CRISPLD2: variants seen among roughly 807,000 people sequenced by gnomAD.
CRISPLD2 encodes cysteine-rich secretory protein LCCL domain-containing 2.
A neutral mutation model predicts 71.1 loss-of-function variants in CRISPLD2; 47 were observed. That is an observed-to-expected ratio of 0.66 (90% CI 0.52 to 0.84). The LOEUF (loss-of-function observed/expected upper bound fraction) is 0.84, where lower values mean the gene tolerates loss of function less well. CRISPLD2 is among the 40% of genes least tolerant of loss of function. CRISPLD2 has a pLI of 0.00. For missense variants in CRISPLD2, 830 were observed against 651.1 expected (o/e 1.27, Z -2.99); for synonymous variants, 317 against 250.1 (o/e 1.27, Z -2.52).
intron 14 of CRISPLD2, among the ~76,000 whole-genome samples, chr16:84,898,732 C>T (rs935635387): frequency 2.0e-5 from 3 of 152,230 alleles, no homozygotes; most frequent in Non-Finnish European, 1.5e-5. Context: ...TGATGCTGCC[C>T]AGCACTTGGC....
intron 14 of CRISPLD2, among the ~76,000 whole-genome samples, chr16:84,894,183 T>C (rs1285318466): frequency 6.6e-6 from 1 of 152,120 alleles, no homozygotes; most frequent in Non-Finnish European, 1.5e-5. Context: ...ACCTGCTCTC[T>C]CACCCCTGCC....
At chr16:84,883,625 T>C (rs2071586978) in intron 13 of CRISPLD2, among the ~76,000 whole-genome samples, 1 of 152,190 alleles carries the variant, frequency 6.6e-6, no homozygotes, top group Non-Finnish European at 1.5e-5. Flanking sequence ...TCAGTGGGGC[T>C]GGGTGGATCC....
chr16:84,883,448 G>T (rs1477352707), intron 13 of CRISPLD2, among the ~76,000 whole-genome samples: 1 of 152,220 alleles, frequency 6.6e-6, no homozygotes, highest in Non-Finnish European at 1.5e-5. Flanking sequence ...TTTGCCAGTT[G>T]TGGGAAGCCA....
intron 5 of CRISPLD2, 39 bp from the exon 6 acceptor site, chr16:84,854,690 G>A (rs778571255): frequency 1.3e-5 from 19 of 1,505,158 alleles, no homozygotes; most frequent in Middle Eastern, 1.7e-4. Context: ...GCCTCACGTC[G>A]TGGTTCCCTC....
At chr16:84,880,463 G>A in intron 12 of CRISPLD2, 46 bp from the exon 13 acceptor site, 1 of 1,483,494 alleles carries the variant, frequency 6.7e-7, no homozygotes, top group Non-Finnish European at 9.2e-7. Flanking sequence ...AAGAAGTTTG[G>A]TTTTCTGTGC....
chr16:84,834,817 C>T (rs1403738990), intron 1 of CRISPLD2, among the ~76,000 whole-genome samples: 2 of 152,084 alleles, frequency 1.3e-5, no homozygotes, highest in South Asian at 2.1e-4. Flanking sequence ...ATGTGGTCGT[C>T]CTCTGCGTGT....
At chr16:84,893,389 A>T (rs1022275120) in intron 14 of CRISPLD2, among the ~76,000 whole-genome samples, 1 of 152,200 alleles carries the variant, frequency 6.6e-6, no homozygotes, top group African/African-American at 2.4e-5. Flanking sequence ...AATGGCCTAC[A>T]TGACTTATCT....
At chr16:84,884,274 G>A (rs35124045) in intron 13 of CRISPLD2, among the ~76,000 whole-genome samples, 2 of 152,192 alleles carry the variant, frequency 1.3e-5, no homozygotes, top group South Asian at 4.1e-4. Flanking sequence ...TTGGGGCAAG[G>A]TGTGAGCCCC....
At chr16:84,879,289 A>G (rs1011568563) in intron 12 of CRISPLD2, among the ~76,000 whole-genome samples, 5 of 152,210 alleles carry the variant, frequency 3.3e-5, no homozygotes, top group African/African-American at 1.2e-4. Context: ...AATATGCAAA[A>G]TGTTAATTTC....
At chr16:84,859,176 G>T (rs1433850661) in intron 6 of CRISPLD2, among the ~76,000 whole-genome samples, 1 of 152,204 alleles carries the variant, frequency 6.6e-6, no homozygotes, top group Non-Finnish European at 1.5e-5. Flanking sequence ...CCAAAGTGGG[G>T]GTTCTGCCAG....
intron 12 of CRISPLD2, among the ~76,000 whole-genome samples, chr16:84,879,663 T>C (rs1225770611): frequency 1.3e-5 from 2 of 151,654 alleles, no homozygotes; most frequent in African/African-American, 4.8e-5. Context: ...CACCTGGCCT[T>C]CTTTTTTTTT....
intron 13 of CRISPLD2, among the ~76,000 whole-genome samples, chr16:84,885,642 A>T (rs1161152586): frequency 2.6e-5 from 4 of 152,204 alleles, no homozygotes. Context: ...ATGTTAGCAC[A>T]GAGTTTTTAG....
Position 84,837,448 on chromosome 16 carries a change from G to A in CRISPLD2, c.-74-974G>A, listed in dbSNP as rs1464369023. On this transcript the variant is annotated intron_variant, in intron 1 of 14. Transcript: ENST00000262424. ...TTTTTTTTTTCTGAGACGGAGTCTC[G>A]CTCTGTCGCCCAGGCTAGTGTGCAG... 2.1e-5 allele frequency among the ~76,000 whole-genome samples: 3 copies of A among 139,746 alleles called. No individual in the cohort carries two copies. The Admixed American group carries it at 2.3e-4, about 11-fold the overall frequency. 91.7% of individuals were successfully genotyped at this position (139,746 alleles called of 152,430 possible). A position where few individuals can be genotyped will look rare whatever the true frequency, so the allele number is the denominator to read the frequency against.
intron 10 of CRISPLD2, 27 bp from the exon 11 acceptor site, chr16:84,873,893 G>GTT (rs10600678): frequency 3.5e-3 from 4,889 of 1,411,098 alleles, no homozygotes; most frequent in South Asian, 5.6e-3. Flanking sequence ...CCTAATGCCC[G>GTT]TTTTTTTTTT....
At chr16:84,843,499 C>T (rs2143191099) in intron 2 of CRISPLD2, among the ~76,000 whole-genome samples, 1 of 152,330 alleles carries the variant, frequency 6.6e-6, no homozygotes, top group East Asian at 1.9e-4. Flanking sequence ...TGCCTCCGTC[C>T]AGCCAGCTCT....
chr16:84,877,431 T>C lies in CRISPLD2; in HGVS notation c.1157-7T>C, dbSNP rs373103191. The C allele has an allele frequency of 1.2e-6, 2 of 1,613,272 alleles. No individual in the cohort carries two copies. Among genetic ancestry groups the C allele is most frequent in the African/African-American group, 2.7e-5 (2 of 74,906 alleles). ...CCTGACCCTTTCCCCCTTGCTCCTG[T>C]TCACAGTGCAGGATTTGGACTGCTA... On this transcript the variant is annotated splice_region_variant and splice_polypyrimidine_tract_variant and intron_variant, in intron 11 of 14. Coordinates refer to ENST00000262424, the MANE Select transcript of CRISPLD2 (RefSeq NM_031476.4).
chr16:84,887,271 C>T (rs1338521359), intron 13 of CRISPLD2, among the ~76,000 whole-genome samples: 1 of 152,178 alleles, frequency 6.6e-6, no homozygotes, highest in African/African-American at 2.4e-5. Context: ...TGGTGGTGGC[C>T]TCTGTCTCTA....
chr16:84,838,428 A>G lies in CRISPLD2; in HGVS notation c.-68A>G. The G allele has an allele frequency of 6.4e-7, 1 of 1,560,460 alleles. No individual in the cohort carries two copies. Among genetic ancestry groups the G allele is most frequent in the Non-Finnish European group, 8.7e-7 (1 of 1,152,200 alleles). On this transcript the variant is annotated 5_prime_UTR_variant, in exon 2 of 15. Transcript: ENST00000262424. ...ACCCTCTGCTTCCTTTCAGAGCTCA[A>G]GCGCCCAGCTCTGCCCGAGGAGCCC... is the stretch of plus-strand genomic sequence containing the variant.
At chr16:84,873,222 C>A (rs1364254608) in intron 10 of CRISPLD2, 100 bp downstream of exon 10, 3 of 1,372,848 alleles carry the variant, frequency 2.2e-6, no homozygotes, top group Non-Finnish European at 2.9e-6. Context: ...CGTGGTGGCT[C>A]ACACCTGCAC....
Sources: allele counts gnomAD v4.1 joint callset (sites outside exome capture counted in the v4.1 genomes callset), GRCh38; gene constraint gnomAD v4.1.1; transcripts MANE v1.5; gene names NCBI Gene and HGNC (gene_info 2026-07-23, HGNC 2026-07-21).